Variants in PTDSS1 observed in about 807,000 individuals in gnomAD.
PTDSS1 encodes phosphatidylserine synthase 1, also known as PSS-1.
Under a neutral mutation model 70.5 loss-of-function variants are expected in PTDSS1, and 45 were observed. The ratio of observed to expected loss-of-function variants is 0.64; its 90% CI spans 0.50 to 0.82. PTDSS1 has a LOEUF of 0.82. Ranked by LOEUF, PTDSS1 falls within the 40% of genes least tolerant of loss-of-function variation. PTDSS1 has a pLI of 0.00. For synonymous variants in PTDSS1, 188 were observed against 203.8 expected (o/e 0.92, Z 0.66); for missense variants, 417 against 586.1 (o/e 0.71, Z 2.98).
Position 96,306,425 on chromosome 8 carries a change from A to G in PTDSS1, c.895-19A>G. The G allele has an allele frequency of 1.3e-6, 2 of 1,585,114 alleles. No individual in the cohort carries two copies. Among genetic ancestry groups the G allele is most frequent in the Non-Finnish European group, 1.7e-6 (2 of 1,153,998 alleles). On this transcript the variant is annotated intron_variant, in intron 7 of 12. Transcript: ENST00000517309. ...TTAGCATGAGGTACCAGGTTGACTAATTTCTCCGTCTTTTTCAGCTGACTG... is the reference window on the plus strand; with the variant it reads ...TTAGCATGAGGTACCAGGTTGACTAGTTTCTCCGTCTTTTTCAGCTGACTG...
In PTDSS1 at chr8:96,261,994, T is replaced by G; in HGVS notation, c.-47T>G. On this transcript the variant is annotated 5_prime_UTR_variant, in exon 1 of 13. Coordinates refer to ENST00000517309, the MANE Select transcript of PTDSS1 (RefSeq NM_014754.3). Reference sequence around the variant, plus strand: ...CTAGTCACCCCCGGGGTCCCGGCCTTCTCGGGCTGGGGCCGCCGCCACCGC... The same window carrying G: ...CTAGTCACCCCCGGGGTCCCGGCCTGCTCGGGCTGGGGCCGCCGCCACCGC... The G allele has an allele frequency of 6.3e-7, 1 of 1,579,378 alleles. No homozygotes were observed. Among genetic ancestry groups the G allele is most frequent in the Admixed American group, 1.8e-5 (1 of 55,336 alleles).
intron 6 of PTDSS1, among the ~76,000 whole-genome samples, chr8:96,302,726 C>A (rs1811067813): frequency 6.6e-6 from 1 of 152,144 alleles, no homozygotes; most frequent in Non-Finnish European, 1.5e-5. Flanking sequence ...GGACTGCAGG[C>A]ACCCGCCACC....
rs1264495311 is a variant in PTDSS1, at chr8:96,334,570, C to T, written c.*1004C>T. ...CTATCAAAGGTCTGTCTGTAAAATG[C>T]TCATTTTCTTGCATCTTACTGGTAT... On this transcript the variant is annotated 3_prime_UTR_variant, in exon 13 of 13. Transcript: ENST00000517309. 6.6e-6 allele frequency: 1 copy of T among 152,582 alleles called. No homozygotes were observed. The highest frequency in any genetic ancestry group is 1.9e-4 in the East Asian group (1 of 5,198). The allele number at this position is 152,582 out of a possible 1,614,324, so 9.5% of individuals were successfully genotyped here. A position where few individuals can be genotyped will look rare whatever the true frequency, so the allele number is the denominator to read the frequency against.
chr8:96,293,097 A>G (rs1441018028), intron 4 of PTDSS1, among the ~76,000 whole-genome samples: 1 of 152,122 alleles, frequency 6.6e-6, no homozygotes, highest in Admixed American at 6.5e-5. Flanking sequence ...CCTTACACAC[A>G]TGCATGCACG....
intron 1 of PTDSS1, among the ~76,000 whole-genome samples, chr8:96,271,285 G>A (rs891390379): frequency 6.6e-6 from 1 of 152,144 alleles, no homozygotes; most frequent in African/African-American, 2.4e-5. Context: ...TGCACAAATA[G>A]TTGCTTATTA....
intron 9 of PTDSS1, among the ~76,000 whole-genome samples, chr8:96,319,796 A>C (rs1811348971): frequency 6.6e-6 from 1 of 152,172 alleles, no homozygotes; most frequent in African/African-American, 2.4e-5. Context: ...GGGTAATGTT[A>C]GGACCCAGGG....
intron 2 of PTDSS1, among the ~76,000 whole-genome samples, chr8:96,277,541 GA>G (rs1424626656): frequency 1.8e-4 from 28 of 152,342 alleles, no homozygotes; most frequent in Non-Finnish European, 4.0e-4. Context: ...AAATGAATAG[GA>G]AAAATGGAGC....
intron 9 of PTDSS1, among the ~76,000 whole-genome samples, chr8:96,313,337 C>A (rs936139914): frequency 3.3e-5 from 5 of 152,164 alleles, no homozygotes; most frequent in African/African-American, 1.2e-4. Flanking sequence ...GAGAAAGCAG[C>A]CGTGTGGAAA....
intron 2 of PTDSS1, among the ~76,000 whole-genome samples, chr8:96,278,228 TTC>T (rs2130025250): frequency 6.6e-6 from 1 of 152,368 alleles, no homozygotes; most frequent in African/African-American, 2.4e-5. Flanking sequence ...CACATGTCTC[TTC>T]TCAACCAGTT....
chr8:96,263,983 T>G (rs1289076477), intron 1 of PTDSS1, among the ~76,000 whole-genome samples: 1 of 152,226 alleles, frequency 6.6e-6, no homozygotes, highest in East Asian at 1.9e-4. Flanking sequence ...GGTATAAAGC[T>G]TAAGTAACAA....
intron 6 of PTDSS1, among the ~76,000 whole-genome samples, chr8:96,300,901 G>A (rs2130098584): frequency 6.6e-6 from 1 of 152,108 alleles, no homozygotes; most frequent in East Asian, 1.9e-4. Context: ...TAGAAATAGA[G>A]TGTACCAATT....
At chr8:96,264,678 A>G (rs1028808135) in intron 1 of PTDSS1, among the ~76,000 whole-genome samples, 2 of 152,154 alleles carry the variant, frequency 1.3e-5, no homozygotes, top group Non-Finnish European at 2.9e-5. Context: ...TCCTTTCAAA[A>G]TAGGTTTCTC....
intron 10 of PTDSS1, among the ~76,000 whole-genome samples, chr8:96,326,544 TG>T (rs774272410): frequency 5.3e-5 from 8 of 152,128 alleles, no homozygotes; most frequent in Non-Finnish European, 1.0e-4. Context: ...TGCAGGTGGC[TG>T]GGGGGCAAAC....
At chr8:96,296,533 A>T (rs1159010887) in intron 5 of PTDSS1, among the ~76,000 whole-genome samples, 1 of 152,154 alleles carries the variant, frequency 6.6e-6, no homozygotes, top group African/African-American at 2.4e-5. Context: ...CTATGATCTC[A>T]TCTTAACAAA....
chr8:96,331,499 A>T (rs2130188464), intron 12 of PTDSS1, among the ~76,000 whole-genome samples: 1 of 152,122 alleles, frequency 6.6e-6, no homozygotes, highest in Non-Finnish European at 1.5e-5. Context: ...ACTGCACTCC[A>T]GCCTGGGCAG....
intron 6 of PTDSS1, among the ~76,000 whole-genome samples, chr8:96,302,252 G>A (rs1368680631): frequency 1.3e-5 from 2 of 151,842 alleles, no homozygotes; most frequent in East Asian, 2.0e-4. Flanking sequence ...GGCTAGTCTC[G>A]AACTCCCAAC....
Position 96,336,167 on chromosome 8 carries a change from C to T in PTDSS1, c.*2601C>T, listed in dbSNP as rs1563591105. On this transcript the variant is annotated 3_prime_UTR_variant, in exon 13 of 13. Transcript: ENST00000517309. ...TGTTAAGCATTTTGATGATACAAGA[C>T]ATCCTATCAATGCCAGTCTTATTTT... 1 of 151,988 alleles carries T rather than the reference C, an allele frequency of 6.6e-6. No individual in the cohort carries two copies. The highest frequency in any genetic ancestry group is 2.1e-4 in the South Asian group (1 of 4,830). 9.4% of individuals were successfully genotyped at this position (151,988 alleles called of 1,614,324 possible). A position where few individuals can be genotyped will look rare whatever the true frequency, so the allele number is the denominator to read the frequency against.
At chr8:96,318,285 C>T (rs1212113731) in intron 9 of PTDSS1, among the ~76,000 whole-genome samples, 1 of 151,666 alleles carries the variant, frequency 6.6e-6, no homozygotes, top group Non-Finnish European at 1.5e-5. Flanking sequence ...GATTGCACCA[C>T]TGCACTCCAG....
chr8:96,297,028 C>T (rs754602777), intron 5 of PTDSS1, among the ~76,000 whole-genome samples: 2 of 152,198 alleles, frequency 1.3e-5, no homozygotes, highest in African/African-American at 4.8e-5. Flanking sequence ...CGTCCATTGA[C>T]GTCTCTTCAG....
Sources: allele counts gnomAD v4.1 joint callset (sites outside exome capture counted in the v4.1 genomes callset), GRCh38; gene constraint gnomAD v4.1.1; transcripts MANE v1.5; gene names NCBI Gene and HGNC (gene_info 2026-07-23, HGNC 2026-07-21).